Variants in GPM6A observed in about 807,000 individuals in gnomAD.
GPM6A encodes glycoprotein M6A.
In GPM6A, 7 loss-of-function variants were observed where a neutral mutation model predicts 32.1. The ratio of observed to expected loss-of-function variants is 0.22; its 90% CI spans 0.12 to 0.41. The LOEUF (loss-of-function observed/expected upper bound fraction) is 0.41. Ranked by LOEUF, GPM6A falls within the 10% of genes least tolerant of loss-of-function variation. GPM6A has a pLI of 1.00. For synonymous variants in GPM6A, 130 were observed against 123.4 expected, an observed-to-expected ratio of 1.05 and a Z score of -0.35; for missense variants, 235 against 347.2, an observed-to-expected ratio of 0.68 and a Z score of 2.57.
At chr4:175,651,650 A>G (rs1233670910) in intron 4 of GPM6A, among the ~76,000 whole-genome samples, 184 bp downstream of exon 4, 1 of 152,012 alleles carries the variant, frequency 6.6e-6, no homozygotes, top group African/African-American at 2.4e-5. Context: ...ACATCCATTC[A>G]CCCTTGACTT....
Position 175,822,266 on chromosome 4 carries a change from C to T in GPM6A, c.-22-10017G>A, listed in dbSNP as rs188772679. The stretch of plus-strand genomic sequence containing the variant: ...GAGAATTGGTCATGATATGTAATTG[C>T]TTTAATTTCAATTTAATATTTTGAA... On this transcript the variant is annotated intron_variant, in intron 1 of 7. Transcript: ENST00000280187. 8.3e-4 allele frequency among the ~76,000 whole-genome samples: 126 copies of T among 152,206 alleles called. 1 individual carries two copies. In the South Asian group the frequency reaches 0.018, roughly 22 times the overall value.
intron 4 of GPM6A, among the ~76,000 whole-genome samples, chr4:175,643,260 C>T (rs1039198278): frequency 6.6e-5 from 10 of 152,084 alleles, no homozygotes; most frequent in African/African-American, 2.2e-4. Flanking sequence ...TTAGTCAGAC[C>T]ATCTCCTGCC....
At chr4:175,988,748 A>C (rs1008082020) in intron 1 of GPM6A, among the ~76,000 whole-genome samples, 1 of 152,244 alleles carries the variant, frequency 6.6e-6, no homozygotes, top group African/African-American at 2.4e-5. Context: ...CAAAGCAGTC[A>C]GATTTCTCAA....
chr4:175,716,255 G>T (rs572577297), intron 1 of GPM6A, among the ~76,000 whole-genome samples: 1 of 152,272 alleles, frequency 6.6e-6, no homozygotes, highest in African/African-American at 2.4e-5. Context: ...CCAGCTTGCA[G>T]AGAAATATCA....
chr4:175,725,013 AC>A, intron 1 of GPM6A, among the ~76,000 whole-genome samples: 1 of 151,784 alleles, frequency 6.6e-6, no homozygotes, highest in Non-Finnish European at 1.5e-5. Context: ...TCCTGAACTA[AC>A]CTCTTCATTT....
chr4:175,763,120 T>C (rs1000074091), intron 1 of GPM6A, among the ~76,000 whole-genome samples: 5 of 152,226 alleles, frequency 3.3e-5, no homozygotes, highest in Non-Finnish European at 7.3e-5. Context: ...AGTTTTTTCA[T>C]TAACAATAAC....
chr4:175,992,024 GA>G (rs1285470810), intron 1 of GPM6A, among the ~76,000 whole-genome samples: 2 of 142,158 alleles, frequency 1.4e-5, no homozygotes, highest in African/African-American at 2.6e-5. Flanking sequence ...CAATCAAAAT[GA>G]AAAAAACAAG....
chr4:175,989,978 C>A (rs1276131544), intron 1 of GPM6A, among the ~76,000 whole-genome samples: 1 of 152,174 alleles, frequency 6.6e-6, no homozygotes, highest in African/African-American at 2.4e-5. Flanking sequence ...ATCAACAAAG[C>A]AATCCTGAAT....
chr4:175,863,953 G>T (rs559400735), intron 1 of GPM6A, among the ~76,000 whole-genome samples: 2 of 151,866 alleles, frequency 1.3e-5, no homozygotes, highest in Non-Finnish European at 2.9e-5. Context: ...GTGAGCTGTG[G>T]TTGCACCACT....
intron 1 of GPM6A, among the ~76,000 whole-genome samples, chr4:175,936,221 G>A (rs1016138318): frequency 2.1e-5 from 3 of 140,176 alleles, no homozygotes; most frequent in Non-Finnish European, 4.5e-5. Context: ...CAGGAGAATG[G>A]CGTAAACCCG....
At chr4:175,968,596 C>A (rs111718147) in intron 1 of GPM6A, among the ~76,000 whole-genome samples, 384 of 152,126 alleles carry the variant, frequency 2.5e-3, no homozygotes, top group African/African-American at 8.7e-3. Flanking sequence ...GAACAGATAA[C>A]CCAATTAAAA....
chr4:175,714,782 G>T (rs1169307032), intron 1 of GPM6A, among the ~76,000 whole-genome samples: 1 of 151,452 alleles, frequency 6.6e-6, no homozygotes, highest in African/African-American at 2.4e-5. Flanking sequence ...TTTTTTTTAA[G>T]AAATATATTA....
At chr4:175,912,485 T>C (rs893496321) in intron 1 of GPM6A, among the ~76,000 whole-genome samples, 1 of 152,034 alleles carries the variant, frequency 6.6e-6, no homozygotes, top group Non-Finnish European at 1.5e-5. Context: ...TGAAACACTG[T>C]CTCTACTAAA....
At chr4:175,787,230 C>A (rs1733838238) in intron 1 of GPM6A, 1 of 711,218 alleles carries the variant, frequency 1.4e-6, no homozygotes, top group Non-Finnish European at 2.4e-6. Flanking sequence ...CATCTTAAAG[C>A]TTTAATAATG....
intron 1 of GPM6A, among the ~76,000 whole-genome samples, chr4:175,948,692 T>A (rs2126367236): frequency 6.6e-6 from 1 of 152,218 alleles, no homozygotes; most frequent in South Asian, 2.1e-4. Context: ...AATCAGAAAA[T>A]GCTAACTGGA....
intron 1 of GPM6A, among the ~76,000 whole-genome samples, chr4:175,839,569 A>C (rs1735875649): frequency 6.6e-6 from 1 of 152,192 alleles, no homozygotes; most frequent in African/African-American, 2.4e-5. Flanking sequence ...TTGTATGTTG[A>C]ATATATAATA....
chr4:175,730,826 CA>C (rs1731395343), intron 1 of GPM6A, among the ~76,000 whole-genome samples: 1 of 152,066 alleles, frequency 6.6e-6, no homozygotes, highest in Non-Finnish European at 1.5e-5. Flanking sequence ...CCATGTTCAC[CA>C]AAGTACATGA....
chr4:175,766,753 C>G (rs560322432), intron 1 of GPM6A, among the ~76,000 whole-genome samples: 2 of 150,426 alleles, frequency 1.3e-5, no homozygotes, highest in Non-Finnish European at 2.9e-5. Context: ...CTCCCAGGTT[C>G]AAGCAATTCT....
At chr4:175,793,871 T>C (rs375477008) in intron 1 of GPM6A, among the ~76,000 whole-genome samples, 226 of 152,358 alleles carry the variant, frequency 1.5e-3, no homozygotes, top group African/African-American at 5.2e-3. Context: ...TTTTATGATA[T>C]TGTCAATTCT....
Sources: gnomAD v4.1 joint callset for allele counts (sites outside exome capture counted in the v4.1 genomes callset) on GRCh38, gnomAD v4.1.1 for gene constraint, MANE v1.5 for transcripts, NCBI Gene and HGNC (gene_info 2026-07-23, HGNC 2026-07-21) for gene names.